Variants in VTI1A observed in about 807,000 individuals in gnomAD.
VTI1A encodes vesicle transport through interaction with t-SNAREs homolog 1A.
In VTI1A, 22 loss-of-function variants were observed where a neutral mutation model predicts 34.9. The observed-to-expected ratio is 0.63, with a 90% CI of 0.45 to 0.90. The LOEUF (loss-of-function observed/expected upper bound fraction) is 0.90. VTI1A is among the 40% of genes least tolerant of loss of function. VTI1A has a pLI of 0.00. For synonymous variants in VTI1A, 87 were observed against 97.3 expected (o/e 0.89, Z 0.62); for missense variants, 268 against 275.6 (o/e 0.97, Z 0.20).
At chr10:112,459,300 C>T (rs967316027) in intron 1 of VTI1A, among the ~76,000 whole-genome samples, 3 of 152,174 alleles carry the variant, frequency 2.0e-5, no homozygotes, top group African/African-American at 2.4e-5. Flanking sequence ...AGCCATTGCA[C>T]GCTTGCTTTC....
chr10:112,550,402 T>G lies in VTI1A; in HGVS notation c.427+12072T>G, dbSNP rs535118287. Among the ~76,000 whole-genome samples the G allele has an allele frequency of 2.0e-5, 3 of 151,740 alleles. No homozygotes were observed. In the East Asian group the frequency reaches 5.8e-4, roughly 30 times the overall value. ...TGTATTTAACAGAATTTTTTTGAGA[T>G]GGATGCTACAGAATTTTCACAGCAT... On this transcript the variant is annotated intron_variant, in intron 5 of 7. Coordinates refer to ENST00000393077, the MANE Select transcript of VTI1A (RefSeq NM_145206.4).
intron 5 of VTI1A, among the ~76,000 whole-genome samples, chr10:112,654,768 A>C (rs1303774270): frequency 1.3e-5 from 2 of 152,160 alleles, no homozygotes; most frequent in Non-Finnish European, 2.9e-5. Context: ...GGCGTGAGCC[A>C]CCGCGCCCGG....
At chr10:112,462,993 C>T (rs540341698) in intron 2 of VTI1A, among the ~76,000 whole-genome samples, 6 of 152,166 alleles carry the variant, frequency 3.9e-5, no homozygotes, top group South Asian at 2.1e-4. Context: ...GGCACGATCT[C>T]GGCTCACTGC....
chr10:112,448,591 T>G (rs911695314), intron 1 of VTI1A: 7 of 150,062 alleles, frequency 4.7e-5, no homozygotes, highest in Admixed American at 4.0e-4. Context: ...AAAAGGGTTT[T>G]ACATTTTTGT....
chr10:112,845,737 G>C, the VTI1A span, among the ~76,000 whole-genome samples: 1 of 152,230 alleles, frequency 6.6e-6, no homozygotes, highest in Non-Finnish European at 1.5e-5. Context: ...AAAGTGGGGG[G>C]CCGGACATGG....
chr10:112,663,033 C>T (rs551389945), intron 5 of VTI1A, among the ~76,000 whole-genome samples: 56 of 152,274 alleles, frequency 3.7e-4, no homozygotes, highest in East Asian at 1.9e-4. Context: ...TCAACTCTGA[C>T]GGCGTCTTAA....
intron 7 of VTI1A, among the ~76,000 whole-genome samples, chr10:112,696,749 CAA>C (rs1417975756): frequency 1.3e-5 from 2 of 152,160 alleles, no homozygotes; most frequent in Non-Finnish European, 2.9e-5. Flanking sequence ...TTTGTTTAAG[CAA>C]AGAGTCAGGT....
At chr10:112,724,950 TAG>T (rs1186729612) in intron 7 of VTI1A, among the ~76,000 whole-genome samples, 9 of 152,166 alleles carry the variant, frequency 5.9e-5, no homozygotes, top group Non-Finnish European at 1.0e-4. Flanking sequence ...TTTGTTTTGT[TAG>T]AGTGTTTTAA....
the VTI1A span, among the ~76,000 whole-genome samples, chr10:112,850,358 G>GAAA: frequency 8.9e-4 from 128 of 143,772 alleles, no homozygotes; most frequent in East Asian, 1.8e-3. Context: ...ACCTTTAAAG[G>GAAA]AAAAAAAAAA....
chr10:112,494,285 A>G (rs1171258597), intron 3 of VTI1A, among the ~76,000 whole-genome samples: 3 of 152,040 alleles, frequency 2.0e-5, no homozygotes, highest in African/African-American at 7.2e-5. Context: ...TCTGTAACAA[A>G]TGTCTCCTCT....
rs544908545 is a variant in VTI1A at position 112,605,904 on chromosome 10, G to A, written c.428-62314G>A. ...ACTTTTCACACAAAGCTAGAAAATA[G>A]TATGTTCTCTTTAAAGTATCCAATT... On this transcript the variant is annotated intron_variant, in intron 5 of 7. Coordinates refer to ENST00000393077, the MANE Select transcript of VTI1A (RefSeq NM_145206.4). Among the ~76,000 whole-genome samples, 113 of 152,268 alleles carry A rather than the reference G, an allele frequency of 7.4e-4. 1 individual carries two copies. Among genetic ancestry groups the A allele is most frequent in the Admixed American group, 3.1e-3 (47 of 15,298 alleles).
chr10:112,530,577 C>G (rs1850382826), intron 4 of VTI1A, among the ~76,000 whole-genome samples: 1 of 152,130 alleles, frequency 6.6e-6, no homozygotes, highest in Admixed American at 6.5e-5. Flanking sequence ...TGATCAGTGA[C>G]TTTTAATAAA....
At chr10:112,756,183 T>G (rs1851277088) in intron 7 of VTI1A, among the ~76,000 whole-genome samples, 2 of 152,192 alleles carry the variant, frequency 1.3e-5, no homozygotes, top group Non-Finnish European at 2.9e-5. Flanking sequence ...CTGTTGGATG[T>G]GGAACTAGCT....
intron 5 of VTI1A, among the ~76,000 whole-genome samples, chr10:112,597,238 A>G (rs1202048942): frequency 2.0e-5 from 3 of 151,924 alleles, no homozygotes; most frequent in Non-Finnish European, 4.4e-5. Flanking sequence ...TTTTTTTGAG[A>G]CAGAATTTCA....
intron 7 of VTI1A, chr10:112,752,643 G>GCTGTTCTTCAC: frequency 2.2e-6 from 2 of 915,960 alleles, no homozygotes; most frequent in Non-Finnish European, 2.6e-6. Flanking sequence ...ATTTGCTTTA[G>GCTGTTCTTCAC]CTAGGTGAAG....
intron 1 of VTI1A, among the ~76,000 whole-genome samples, chr10:112,455,151 TCC>T (rs1847391747): frequency 2.8e-5 from 2 of 72,646 alleles, no homozygotes; most frequent in Non-Finnish European, 5.4e-5. Flanking sequence ...TTCAGTTCCC[TCC>T]CCTTCCCTCC....
At chr10:112,766,965 G>C (rs978921039) in intron 7 of VTI1A, among the ~76,000 whole-genome samples, 2 of 152,182 alleles carry the variant, frequency 1.3e-5, no homozygotes, top group African/African-American at 4.8e-5. Flanking sequence ...CGTAGCAATA[G>C]TACATTCAGG....
intron 5 of VTI1A, among the ~76,000 whole-genome samples, chr10:112,643,108 C>T (rs897666663): frequency 1.3e-5 from 2 of 151,142 alleles, no homozygotes; most frequent in Non-Finnish European, 3.0e-5. Context: ...CCTCAGCCTC[C>T]CAGGTAGCTG....
At chr10:112,594,689 T>C (rs1466900339) in intron 5 of VTI1A, among the ~76,000 whole-genome samples, 6 of 152,128 alleles carry the variant, frequency 3.9e-5, no homozygotes, top group African/African-American at 1.4e-4. Flanking sequence ...GAACATTCCA[T>C]GCTCATGGGT....
Sources: allele counts gnomAD v4.1 joint callset (sites outside exome capture counted in the v4.1 genomes callset), GRCh38; gene constraint gnomAD v4.1.1; transcripts MANE v1.5; gene names NCBI Gene and HGNC (gene_info 2026-07-23, HGNC 2026-07-21).